The following CSMD1 variants were observed in gnomAD, a reference collection of about 807,000 sequenced individuals.
The protein encoded by CSMD1 is CUB and Sushi multiple domains 1.
In CSMD1, 213 loss-of-function variants were observed where a neutral mutation model predicts 417.5. The ratio of observed to expected loss-of-function variants is 0.51; its 90% CI spans 0.46 to 0.57. The LOEUF is 0.57. Among genes scored for constraint, CSMD1 ranks in the 20% least tolerant of loss-of-function variants. The pLI is 0.00. For synonymous variants in CSMD1, 2,862 were observed against 1,736.8 expected (o/e 1.65, Z -16.11); for missense variants, 6,923 against 4,529.7 (o/e 1.53, Z -15.17).
At chr8:3,158,468 T>G (rs2129038749) in intron 38 of CSMD1, among the ~76,000 whole-genome samples, 1 of 152,310 alleles carries the variant, frequency 6.6e-6, no homozygotes, top group African/African-American at 2.4e-5. Context: ...CTGGGTCGTT[T>G]CTTTATCACA....
chr8:3,462,028 G>T (rs143615890), intron 12 of CSMD1, among the ~76,000 whole-genome samples: 1 of 152,310 alleles, frequency 6.6e-6, no homozygotes, highest in East Asian at 1.9e-4. Flanking sequence ...GAATCCTAGA[G>T]AAGCTGTTTC....
At chr8:4,987,558 A>G (rs973526485) in intron 1 of CSMD1, among the ~76,000 whole-genome samples, 2 of 152,200 alleles carry the variant, frequency 1.3e-5, no homozygotes, top group African/African-American at 2.4e-5. Context: ...CCCAAAATAT[A>G]TCACGCCAAA....
chr8:3,328,104 G>T (rs1055569436), intron 23 of CSMD1, among the ~76,000 whole-genome samples: 5 of 152,164 alleles, frequency 3.3e-5, no homozygotes, highest in Admixed American at 3.3e-4. Context: ...CCTGCTGCTG[G>T]TTTGTTTCTG....
chr8:3,831,693 G>C (rs1361160262), intron 5 of CSMD1, among the ~76,000 whole-genome samples: 1 of 151,948 alleles, frequency 6.6e-6, no homozygotes, highest in Non-Finnish European at 1.5e-5. Context: ...ATATATGTTT[G>C]GAATGCCAAT....
intron 1 of CSMD1, among the ~76,000 whole-genome samples, chr8:4,779,642 G>A (rs1485108628): frequency 6.6e-6 from 1 of 152,186 alleles, no homozygotes; most frequent in East Asian, 1.9e-4. Flanking sequence ...TCTCTGGCAA[G>A]CTGGCTTTAG....
intron 26 of CSMD1, among the ~76,000 whole-genome samples, chr8:3,283,744 C>G (rs1802921547): frequency 1.3e-5 from 2 of 152,214 alleles, no homozygotes; most frequent in Admixed American, 1.3e-4. Flanking sequence ...AGGGAAGAAG[C>G]TGAGCAAAGG....
chr8:3,241,374 A>G (rs924196254), intron 26 of CSMD1, among the ~76,000 whole-genome samples: 9 of 152,016 alleles, frequency 5.9e-5, no homozygotes, highest in Non-Finnish European at 1.2e-4. Context: ...TAGCCTCCAT[A>G]TTGATTAAGA....
intron 25 of CSMD1, among the ~76,000 whole-genome samples, chr8:3,286,215 C>G (rs923762745): frequency 1.7e-4 from 26 of 152,280 alleles, no homozygotes; most frequent in Non-Finnish European, 3.2e-4. Flanking sequence ...ATTTCTTAAT[C>G]CAGTCTATCA....
intron 30 of CSMD1, among the ~76,000 whole-genome samples, chr8:3,208,298 C>T (rs576066688): frequency 1.3e-5 from 2 of 152,124 alleles, no homozygotes; most frequent in Admixed American, 6.6e-5. Context: ...ATCTTCTGAT[C>T]GCTCTGTCAC....
intron 3 of CSMD1, among the ~76,000 whole-genome samples, chr8:4,288,801 T>A (rs1162120526): frequency 2.0e-5 from 3 of 152,224 alleles, no homozygotes; most frequent in African/African-American, 7.2e-5. Context: ...GCAGCCAACA[T>A]TGAGCAAAAT....
At chr8:4,205,507 T>C (rs533936281) in intron 3 of CSMD1, among the ~76,000 whole-genome samples, 5 of 152,316 alleles carry the variant, frequency 3.3e-5, no homozygotes, top group East Asian at 3.9e-4. Context: ...GAGGTAACTA[T>C]CTTTATTTCA....
chr8:3,544,033 C>A (rs1035963787), intron 10 of CSMD1, among the ~76,000 whole-genome samples: 2 of 152,000 alleles, frequency 1.3e-5, no homozygotes, highest in Non-Finnish European at 2.9e-5. Context: ...AACAGTCTTC[C>A]ACAGGTGAAG....
intron 3 of CSMD1, among the ~76,000 whole-genome samples, chr8:4,392,510 G>A (rs535841355): frequency 2.6e-5 from 4 of 152,038 alleles, no homozygotes; most frequent in African/African-American, 4.8e-5. Context: ...AAAGAATCAC[G>A]GTTTGTGTGT....
intron 10 of CSMD1, among the ~76,000 whole-genome samples, chr8:3,563,442 TAAAAAAAAA>T (rs60108067): frequency 1.6e-5 from 1 of 62,784 alleles, no homozygotes; most frequent in Admixed American, 1.8e-4. Context: ...TATTAAAAGG[TAAAAAAAAA>T]AAAAAAAAAA....
intron 5 of CSMD1, among the ~76,000 whole-genome samples, chr8:3,901,681 A>G (rs964587806): frequency 1.3e-5 from 2 of 152,222 alleles, no homozygotes; most frequent in African/African-American, 4.8e-5. Context: ...ACTTCTGTTT[A>G]ACAACTTTAT....
At chr8:4,314,036 T>C (rs1303629114) in intron 3 of CSMD1, among the ~76,000 whole-genome samples, 2 of 150,792 alleles carry the variant, frequency 1.3e-5, no homozygotes, top group Non-Finnish European at 3.0e-5. Context: ...ATAATAATAA[T>C]GATAATAATA....
At chr8:3,141,687 C>A (rs1052530613) in intron 41 of CSMD1, among the ~76,000 whole-genome samples, 2 of 152,152 alleles carry the variant, frequency 1.3e-5, no homozygotes, top group African/African-American at 4.8e-5. Context: ...GTTCTGCCAT[C>A]GCACTCGGGA....
chr8:3,212,762 G>A (rs377316296), intron 30 of CSMD1, among the ~76,000 whole-genome samples: 1 of 152,018 alleles, frequency 6.6e-6, no homozygotes, highest in South Asian at 2.1e-4. Context: ...CATAGAAATA[G>A]CAGAACACGC....
chr8:4,692,148 G>A (rs1200923933), intron 1 of CSMD1, among the ~76,000 whole-genome samples: 1 of 151,992 alleles, frequency 6.6e-6, no homozygotes, highest in Non-Finnish European at 1.5e-5. Flanking sequence ...CTGAAAACCT[G>A]CCCCCTGTCC....
Sources: gnomAD v4.1 joint callset for allele counts (sites outside exome capture counted in the v4.1 genomes callset) on GRCh38, gnomAD v4.1.1 for gene constraint, MANE v1.5 for transcripts, NCBI Gene and HGNC (gene_info 2026-07-23, HGNC 2026-07-21) for gene names.